Variants in ERAL1 observed in about 807,000 individuals in gnomAD.
The protein encoded by ERAL1 is Era like 12S mitochondrial rRNA chaperone 1, also known as GTPase Era, mitochondrial.
A neutral mutation model predicts 53.6 loss-of-function variants in ERAL1; 36 were observed. The observed-to-expected ratio is 0.67, with a 90% CI of 0.51 to 0.89. ERAL1 has a LOEUF of 0.89. Among genes scored for constraint, ERAL1 ranks in the 40% least tolerant of loss-of-function variants. The pLI, the probability that ERAL1 is intolerant of heterozygous loss-of-function variation, is 0.00. For missense variants in ERAL1, 512 were observed against 537.5 expected (o/e 0.95, Z 0.47); for synonymous variants, 215 against 211.8 (o/e 1.02, Z -0.13).
chr17:28,858,307 G>A lies in ERAL1; in HGVS notation c.599-67G>A, dbSNP rs532106200. 1.4e-5 allele frequency: 23 copies of A among 1,609,760 alleles called. No individual in the cohort carries two copies. In the East Asian group the frequency reaches 4.7e-4, roughly 33 times the overall value. On this transcript the variant is annotated intron_variant, in intron 5 of 9. Coordinates refer to ENST00000254928, the MANE Select transcript of ERAL1 (RefSeq NM_005702.4). ...CAAAAGCCAAGCTCATACCATGGAAGTTTTTGTCAGGGCAGGAGGAAGAGT... is the reference window on the plus strand; with the variant it reads ...CAAAAGCCAAGCTCATACCATGGAAATTTTTGTCAGGGCAGGAGGAAGAGT...
At position 28,859,133 on chromosome 17, in the gene ERAL1, G is replaced by A; in HGVS notation, c.1110+20G>A. The A allele has an allele frequency of 6.2e-7, 1 of 1,614,148 alleles. No homozygotes were observed. Among genetic ancestry groups the A allele is most frequent in the Non-Finnish European group, 8.5e-7 (1 of 1,180,006 alleles). On this transcript the variant is annotated intron_variant, in intron 8 of 9. Coordinates refer to ENST00000254928, the MANE Select transcript of ERAL1 (RefSeq NM_005702.4). Reference sequence around the variant, plus strand: ...CAGCAGGTACAGAGTGAAGGGTTCTGGGGGCTCTCTATCAGACACACACCT... The same window carrying A: ...CAGCAGGTACAGAGTGAAGGGTTCTAGGGGCTCTCTATCAGACACACACCT...
rs2039242818 is a variant in ERAL1, at chr17:28,856,360, C to G, written c.380C>G (p.Ser127Ter). Residue 127 changes from serine (S) to a stop codon, truncating the protein, a stop_gained, in exon 2 of 10, where the codon TCA becomes TGA. Transcript: ENST00000254928. LOFTEE classifies it high-confidence loss of function. ...VLLGAPNAGK[S>*]TLSNQLLGRK... ...CTGGGAGCCCCGAATGCAGGGAAGT[C>G]AACACTCTCCAACCAGCTACTGGGC... is the stretch of plus-strand genomic sequence containing the variant. The G allele has an allele frequency of 6.2e-7, 1 of 1,613,990 alleles. No individual in the cohort carries two copies. The highest frequency in any genetic ancestry group is 1.1e-5 in the South Asian group (1 of 91,084).
In ERAL1 at chr17:28,855,308, A is replaced by G. The variant is rs1436054424; in HGVS notation, c.274A>G (p.Met92Val). The change falls in exon 1 of 10, where the codon ATG becomes GTG. Residue 92 changes from methionine to valine, a missense_variant. Physicochemically the swap from Met to Val is conservative, Grantham distance 21 (BLOSUM62 1). Transcript: ENST00000254928. ...GACTCCTTGCGTCCCCGCGGTGTCC[A>G]TGAACAGAGGTAAAGCGCCCTGATA... ...SVTPCVPAVS[M>V]NRDEQDVLLV... 1.3e-6 allele frequency: 2 copies of G among 1,593,896 alleles called. No homozygotes were observed.
In ERAL1 at chr17:28,855,284, A is replaced by T; in HGVS notation, c.250A>T (p.Thr84Ser). ...LGFSQPDSSV[T>S]PCVPAVSMNR... ...ATTCTCTCAGCCCGACAGTTCGGTG[A>T]CTCCTTGCGTCCCCGCGGTGTCCAT... The change falls in exon 1 of 10, where the codon ACT becomes TCT. Residue 84 changes from threonine to serine, a missense_variant. Thr to Ser is a moderately conservative substitution (Grantham distance 58). Transcript: ENST00000254928. 1 of 1,606,338 alleles carries T rather than the reference A, an allele frequency of 6.2e-7. No individual in the cohort carries two copies. Among genetic ancestry groups the T allele is most frequent in the Non-Finnish European group, 8.5e-7 (1 of 1,175,248 alleles).
At chr17:28,860,341 A>G in intron 9 of ERAL1, 90 bp from the exon 10 acceptor site, 1 of 1,499,302 alleles carries the variant, frequency 6.7e-7, no homozygotes, top group South Asian at 1.2e-5. Context: ...TCCTGTGCTC[A>G]AAGGATCTTC....
At chr17:28,855,647 C>T (rs755086947) in intron 1 of ERAL1, among the ~76,000 whole-genome samples, 1 of 152,144 alleles carries the variant, frequency 6.6e-6, no homozygotes, top group Non-Finnish European at 1.5e-5. Context: ...ACCTGGAAAA[C>T]AGCACACTTT....
In ERAL1 at chr17:28,855,228, G is replaced by A. The variant is rs1368367700; in HGVS notation, c.194G>A (p.Gly65Asp). 1 of 1,614,246 alleles carries A rather than the reference G, an allele frequency of 6.2e-7. No individual in the cohort carries two copies. Among genetic ancestry groups the A allele is most frequent in the Non-Finnish European group, 8.5e-7 (1 of 1,180,046 alleles). Residue 65 changes from glycine (G) to aspartate (D), a missense_variant, in exon 1 of 10, where the codon GGC (glycine) becomes GAC (aspartate). By Grantham distance (94) the Gly-to-Asp change is moderately conservative. Coordinates refer to ENST00000254928, the MANE Select transcript of ERAL1 (RefSeq NM_005702.4). ...PRLASASRSN[G>D]QGSALDHFLG... ...TTGGCCTCGGCTTCTCGCAGTAATG[G>A]CCAGGGCTCTGCCCTGGACCACTTC...
rs2039272394 is a variant in ERAL1 at position 28,858,771 on chromosome 17, A to G, written c.907A>G (p.Lys303Glu). 1 of 1,614,062 alleles carries G rather than the reference A, an allele frequency of 6.2e-7. No individual in the cohort carries two copies. Among genetic ancestry groups the G allele is most frequent in the Non-Finnish European group, 8.5e-7 (1 of 1,180,034 alleles). The change falls in exon 7 of 10, where the codon AAG (lysine) becomes GAG (glutamate). Residue 303 changes from lysine to glutamate, a missense_variant. Coordinates refer to ENST00000254928, the MANE Select transcript of ERAL1 (RefSeq NM_005702.4). ...NPQRIGWPHF[K>E]EIFMLSALSQ... Reference sequence around the variant, plus strand: ...TCAGAGGATTGGCTGGCCCCACTTCAAGGAGATCTTCATGTTGTCAGCCCT... The same window carrying G: ...TCAGAGGATTGGCTGGCCCCACTTCGAGGAGATCTTCATGTTGTCAGCCCT...
chr17:28,856,722 T>G (rs1207414691), intron 3 of ERAL1, 140 bp downstream of exon 3: 2 of 780,676 alleles, frequency 2.6e-6, no homozygotes, highest in South Asian at 3.4e-5. Flanking sequence ...TTCTTTTTTT[T>G]TTTTTTTGAG....
intron 9 of ERAL1, among the ~76,000 whole-genome samples, chr17:28,860,121 G>A (rs1042418430): frequency 6.6e-6 from 1 of 151,854 alleles, no homozygotes; most frequent in Non-Finnish European, 1.5e-5. Flanking sequence ...GATTACAGGT[G>A]CCCGCCACCA....
At position 28,859,004 on chromosome 17, in the gene ERAL1, A is replaced by G. The variant is rs752802668; in HGVS notation, c.1001A>G (p.Tyr334Cys). The G allele has an allele frequency of 5.6e-6, 9 of 1,614,220 alleles. 1 individual carries two copies. The South Asian group carries it at 8.8e-5, about 16-fold the overall frequency. The change falls in exon 8 of 10, where the codon TAC becomes TGC. Residue 334 changes from tyrosine to cysteine, a missense_variant. Physicochemically the swap from Tyr to Cys is radical, Grantham distance 194. Transcript: ENST00000254928. ...CAGGCCCAGCCAGGGCCCTGGGAGT[A>G]CCACAGTGCAGTCCTCACTAGCCAG... The part of the protein sequence containing the change: ...LTQAQPGPWE[Y>C]HSAVLTSQTP...
At position 28,860,540 on chromosome 17, in the gene ERAL1, A is replaced by C; in HGVS notation, c.1301A>C (p.Lys434Thr). 6.2e-7 allele frequency: 1 copy of C among 1,601,346 alleles called. No individual in the cohort carries two copies. Among genetic ancestry groups the C allele is most frequent in the East Asian group, 2.3e-5 (1 of 43,660 alleles). ...LCDVDIRLSV[K>T]LLK ...GATGTTGACATCCGCCTCTCTGTGA[A>C]GCTCCTCAAGTGACCACCCTCTACT... is the stretch of plus-strand genomic sequence containing the variant. Residue 434 changes from lysine (K) to threonine (T), a missense_variant, in exon 10 of 10, where the codon AAG becomes ACG. Lys to Thr is a moderately conservative substitution (Grantham distance 78). Transcript: ENST00000254928.
At chr17:28,858,021 G>C (rs756928968) in intron 4 of ERAL1, 36 bp downstream of exon 4, 15 of 1,613,822 alleles carry the variant, frequency 9.3e-6, no homozygotes, top group African/African-American at 1.3e-5. Flanking sequence ...TTGGCGGGGA[G>C]GTACTGAAAG....
intron 9 of ERAL1, among the ~76,000 whole-genome samples, chr17:28,860,215 G>A (rs555093316): frequency 6.6e-6 from 1 of 152,142 alleles, no homozygotes; most frequent in South Asian, 2.1e-4. Flanking sequence ...GACCTCAGGT[G>A]ATCTGCCCGC....
Position 28,859,300 on chromosome 17 carries a change from T to A in ERAL1, c.1191+17T>A. 6.2e-7 allele frequency: 1 copy of A among 1,613,298 alleles called. No individual in the cohort carries two copies. Among genetic ancestry groups the A allele is most frequent in the East Asian group, 2.2e-5 (1 of 44,882 alleles). On this transcript the variant is annotated intron_variant, in intron 9 of 9. Transcript: ENST00000254928. ...TCTTATGTGGTAAGTGAGACTAGGC[T>A]CAGAGGAGAGATCAAGACTATGTTA...
At chr17:28,856,901 T>TG (rs1309395008) in intron 3 of ERAL1, among the ~76,000 whole-genome samples, 1 of 150,692 alleles carries the variant, frequency 6.6e-6, no homozygotes, top group Non-Finnish European at 1.5e-5. Flanking sequence ...TTAGTAGAGA[T>TG]GGGGTCTCAC....
chr17:28,857,887 C>T, intron 3 of ERAL1, 52 bp from the exon 4 acceptor site: 1 of 1,598,724 alleles, frequency 6.3e-7, no homozygotes, highest in Non-Finnish European at 8.6e-7. Context: ...TCTGACTTCC[C>T]AGTCATAATC....
intron 3 of ERAL1, among the ~76,000 whole-genome samples, chr17:28,857,637 C>T (rs1209965850): frequency 6.6e-6 from 1 of 151,498 alleles, no homozygotes; most frequent in Non-Finnish European, 1.5e-5. Flanking sequence ...TAAAAAAATA[C>T]AAAAATTAGC....
chr17:28,855,074 T>C lies in ERAL1; in HGVS notation c.40T>C (p.Ser14Pro), dbSNP rs2039221005. ...PSWRGARLVQ[S>P]VLRVWQVGPH... ...CTGGCGCGGGGCTAGGCTTGTTCAA[T>C]CGGTGTTAAGAGTCTGGCAGGTGGG... is the stretch of plus-strand genomic sequence containing the variant. The change falls in exon 1 of 10, where the codon TCG becomes CCG. Residue 14 changes from serine to proline, a missense_variant. Physicochemically the swap from Ser to Pro is moderately conservative, Grantham distance 74 (BLOSUM62 -1). Transcript: ENST00000254928. 1 of 1,612,004 alleles carries C rather than the reference T, an allele frequency of 6.2e-7. No individual in the cohort carries two copies. The highest frequency in any genetic ancestry group is 2.2e-5 in the East Asian group (1 of 44,812).
Sources: allele counts gnomAD v4.1 joint callset (sites outside exome capture counted in the v4.1 genomes callset), GRCh38; gene constraint gnomAD v4.1.1; transcripts MANE v1.5; gene names NCBI Gene and HGNC (gene_info 2026-07-23, HGNC 2026-07-21).